Variants in ANO10 observed in about 807,000 individuals in gnomAD.
ANO10 encodes the protein anoctamin 10.
In ANO10, 77 loss-of-function variants were observed where a neutral mutation model predicts 74.7. The observed-to-expected ratio is 1.03, with a 90% CI of 0.86 to 1.25. The LOEUF is 1.25. ANO10 is among the 50% of genes most tolerant of loss of function. The probability of loss-of-function intolerance (pLI) is 0.00; values close to 1 mark genes in which losing one functional copy is unlikely to be tolerated. For synonymous variants in ANO10, 279 were observed against 284.9 expected, an observed-to-expected ratio of 0.98 and a Z score of 0.21; for missense variants, 721 against 778.1, an observed-to-expected ratio of 0.93 and a Z score of 0.87.
intron 8 of ANO10, among the ~76,000 whole-genome samples, chr3:43,562,976 T>A (rs1360755076): frequency 6.6e-6 from 1 of 152,098 alleles, no homozygotes; most frequent in Admixed American, 6.6e-5. Context: ...ACTGTGACTA[T>A]ATTAAAGAAA....
chr3:43,670,280 T>C (rs550873956), intron 1 of ANO10, among the ~76,000 whole-genome samples: 79 of 151,980 alleles, frequency 5.2e-4, no homozygotes, highest in African/African-American at 1.8e-3. Context: ...GAGGATTGCT[T>C]GCGCCTGGGA....
chr3:43,636,443 GC>G (rs1361308225), intron 1 of ANO10: 1 of 152,256 alleles, frequency 6.6e-6, no homozygotes, highest in African/African-American at 2.4e-5. Flanking sequence ...ATAACAGGGG[GC>G]CTCTGGCAGC....
At chr3:43,560,923 G>A (rs534926827) in intron 9 of ANO10, among the ~76,000 whole-genome samples, 3 of 152,278 alleles carry the variant, frequency 2.0e-5, no homozygotes, top group Non-Finnish European at 2.9e-5. Flanking sequence ...CATCTCTCCC[G>A]TTCTGTCATC....
intron 12 of ANO10, among the ~76,000 whole-genome samples, chr3:43,425,443 C>T (rs1454589624): frequency 1.3e-5 from 2 of 151,916 alleles, no homozygotes; most frequent in African/African-American, 4.8e-5. Flanking sequence ...TAATTTAACA[C>T]TGAATACTTA....
chr3:43,562,128 T>G (rs2080067672), intron 8 of ANO10, among the ~76,000 whole-genome samples: 2 of 152,166 alleles, frequency 1.3e-5, no homozygotes, highest in Admixed American at 1.3e-4. Flanking sequence ...CCCAGTACTT[T>G]GAGAGGCCAA....
At chr3:43,679,654 C>G (rs1318331191) in intron 1 of ANO10, among the ~76,000 whole-genome samples, 1 of 152,216 alleles carries the variant, frequency 6.6e-6, no homozygotes, top group Admixed American at 6.5e-5. Flanking sequence ...CAAGTGGGTC[C>G]CTGACCCTCG....
chr3:43,430,713 A>G (rs1046249969), intron 12 of ANO10, among the ~76,000 whole-genome samples: 1 of 152,134 alleles, frequency 6.6e-6, no homozygotes, highest in Non-Finnish European at 1.5e-5. Flanking sequence ...ACATTTTAAT[A>G]TCTGACAAGA....
intron 1 of ANO10, among the ~76,000 whole-genome samples, chr3:43,613,466 G>A (rs2082934092): frequency 6.6e-6 from 1 of 152,178 alleles, no homozygotes; most frequent in Non-Finnish European, 1.5e-5. Flanking sequence ...CCAGAGCAGA[G>A]GGGCTACATT....
At chr3:43,396,558 C>T (rs113003212) in intron 12 of ANO10, among the ~76,000 whole-genome samples, 216 of 151,940 alleles carry the variant, frequency 1.4e-3, no homozygotes, top group Non-Finnish European at 2.5e-3. Context: ...CAGATGGTCT[C>T]GATCTCCTGA....
intron 11 of ANO10, among the ~76,000 whole-genome samples, chr3:43,447,624 C>G (rs2093267112): frequency 6.6e-6 from 1 of 152,156 alleles, no homozygotes; most frequent in South Asian, 2.1e-4. Context: ...ACAAATAACT[C>G]ATTTTTTGGC....
intron 11 of ANO10, among the ~76,000 whole-genome samples, chr3:43,521,704 A>G (rs2077964838): frequency 6.6e-6 from 1 of 152,198 alleles, no homozygotes; most frequent in African/African-American, 2.4e-5. Flanking sequence ...GGAAAGCAAA[A>G]TGGCACAGCT....
chr3:43,420,251 G>T (rs1398508012), intron 12 of ANO10, among the ~76,000 whole-genome samples: 1 of 151,984 alleles, frequency 6.6e-6, no homozygotes, highest in Non-Finnish European at 1.5e-5. Context: ...TTTGAGACCA[G>T]CCTGGGCAAC....
intron 12 of ANO10, among the ~76,000 whole-genome samples, chr3:43,373,863 A>G (rs1480862581): frequency 6.6e-6 from 1 of 152,226 alleles, no homozygotes; most frequent in Non-Finnish European, 1.5e-5. Context: ...AAAATGACCA[A>G]GCAAAACTGA....
intron 4 of ANO10, among the ~76,000 whole-genome samples, chr3:43,597,344 A>G (rs1235065150): frequency 6.6e-6 from 1 of 152,228 alleles, no homozygotes; most frequent in Non-Finnish European, 1.5e-5. Flanking sequence ...TCACAATAGC[A>G]AAGACTTGGA....
At chr3:43,373,305 C>T (rs144614246) in intron 12 of ANO10, among the ~76,000 whole-genome samples, 29 of 152,204 alleles carry the variant, frequency 1.9e-4, no homozygotes, top group East Asian at 1.7e-3. Flanking sequence ...TCTGCAGTTA[C>T]AGCTGTGTGG....
chr3:43,465,765 G>A (rs1168896763), intron 11 of ANO10, among the ~76,000 whole-genome samples: 3 of 152,164 alleles, frequency 2.0e-5, no homozygotes, highest in Non-Finnish European at 2.9e-5. Context: ...ATTGGAAATG[G>A]ATATTTAGGG....
At chr3:43,412,015 A>G (rs920896222) in intron 12 of ANO10, among the ~76,000 whole-genome samples, 1 of 148,056 alleles carries the variant, frequency 6.8e-6, no homozygotes, top group African/African-American at 2.5e-5. Context: ...TTATATATAT[A>G]ATATATATTT....
chr3:43,654,663 C>T (rs529356102), intron 1 of ANO10, among the ~76,000 whole-genome samples: 9 of 152,218 alleles, frequency 5.9e-5, no homozygotes, highest in Non-Finnish European at 1.2e-4. Flanking sequence ...CTACTCCTCT[C>T]TTCTACCACT....
At chr3:43,594,258 G>A (rs1324668959) in intron 4 of ANO10, among the ~76,000 whole-genome samples, 1 of 152,130 alleles carries the variant, frequency 6.6e-6, no homozygotes, top group Non-Finnish European at 1.5e-5. Context: ...CCACCAAGCG[G>A]ACCTAATAGA....
Sources: allele counts gnomAD v4.1 joint callset (sites outside exome capture counted in the v4.1 genomes callset), GRCh38; gene constraint gnomAD v4.1.1; transcripts MANE v1.5; gene names NCBI Gene and HGNC (gene_info 2026-07-23, HGNC 2026-07-21).